The following CACNB2 variants were observed in gnomAD, a reference collection of about 807,000 sequenced individuals.
CACNB2 encodes the protein calcium voltage-gated channel auxiliary subunit beta 2.
A neutral mutation model predicts 73.3 loss-of-function variants in CACNB2; 42 were observed. That is an observed-to-expected ratio of 0.57 (90% CI 0.45 to 0.74). The LOEUF is 0.74. CACNB2 is among the 30% of genes least tolerant of loss of function. CACNB2 has a pLI of 0.00. For missense variants in CACNB2, 940 were observed against 853.0 expected (o/e 1.10, Z -1.27); for synonymous variants, 348 against 310.3 (o/e 1.12, Z -1.28).
In CACNB2 at chr10:18,150,868, T is replaced by G; in HGVS notation, c.121-15T>G. On this transcript the variant is annotated splice_polypyrimidine_tract_variant and intron_variant, in intron 1 of 13. Transcript: ENST00000324631. Reference sequence around the variant, plus strand: ...AATCTTATTTGTCTTTTTTTTTTTTTTTTTTTTTTTTTAGTCATATGGAAA... The same window carrying G: ...AATCTTATTTGTCTTTTTTTTTTTTGTTTTTTTTTTTTAGTCATATGGAAA... 3.5e-6 allele frequency: 4 copies of G among 1,127,138 alleles called. No homozygotes were observed. Among genetic ancestry groups the G allele is most frequent in the Non-Finnish European group, 4.8e-6 (4 of 825,936 alleles). The allele number at this position is 1,127,138 out of a possible 1,614,324, so 69.8% of individuals were successfully genotyped here.
At chr10:18,180,766 A>C (rs1303402374) in intron 2 of CACNB2, among the ~76,000 whole-genome samples, 1 of 152,070 alleles carries the variant, frequency 6.6e-6, no homozygotes, top group Non-Finnish European at 1.5e-5. Flanking sequence ...GGAGATCGAG[A>C]CCATCCTGGC....
chr10:18,541,332 G>C lies in CACNB2; in HGVS notation c.*1608G>C, dbSNP rs368946823. 4.6e-5 allele frequency: 7 copies of C among 152,624 alleles called. No homozygotes were observed. The highest frequency in any genetic ancestry group is 1.0e-4 in the Non-Finnish European group (7 of 68,036). The allele number at this position is 152,624 out of a possible 1,614,324, so 9.5% of individuals were successfully genotyped here. A position where few individuals can be genotyped will look rare whatever the true frequency, so the allele number is the denominator to read the frequency against. ...TTATCCTACATAAGACATGTACACAGAAGGGGAACCTTGAAGACATTATCT... is the reference window on the plus strand; with the variant it reads ...TTATCCTACATAAGACATGTACACACAAGGGGAACCTTGAAGACATTATCT... On this transcript the variant is annotated 3_prime_UTR_variant, in exon 14 of 14. Transcript: ENST00000324631.
At chr10:18,464,763 A>C (rs1373209949) in intron 3 of CACNB2, among the ~76,000 whole-genome samples, 1 of 152,236 alleles carries the variant, frequency 6.6e-6, no homozygotes, top group Non-Finnish European at 1.5e-5. Context: ...GTTAAACTGG[A>C]GAAAATTGAC....
At chr10:18,510,106 C>T (rs944051933) in intron 6 of CACNB2, among the ~76,000 whole-genome samples, 3 of 152,130 alleles carry the variant, frequency 2.0e-5, no homozygotes, top group African/African-American at 4.8e-5. Context: ...CAGAATTCTA[C>T]GTATTTCAAA....
chr10:18,517,850 T>C (rs962979335), intron 7 of CACNB2, among the ~76,000 whole-genome samples: 7 of 152,208 alleles, frequency 4.6e-5, no homozygotes, highest in Middle Eastern at 3.2e-3. Context: ...TTATAATATT[T>C]TGAAATGAGG....
intron 2 of CACNB2, chr10:18,340,869 T>G: frequency 6.2e-7 from 1 of 1,614,058 alleles, no homozygotes; most frequent in Non-Finnish European, 8.5e-7. Flanking sequence ...TCCTGAATTC[T>G]TGCTCCTGTG....
chr10:18,175,141 T>C (rs1391399152), intron 2 of CACNB2, among the ~76,000 whole-genome samples: 1 of 152,158 alleles, frequency 6.6e-6, no homozygotes, highest in African/African-American at 2.4e-5. Context: ...CTTAGGATAT[T>C]CCAGGTTTCT....
chr10:18,241,940 A>G (rs1490347041), intron 2 of CACNB2, among the ~76,000 whole-genome samples: 1 of 152,118 alleles, frequency 6.6e-6, no homozygotes, highest in Non-Finnish European at 1.5e-5. Flanking sequence ...AGTCACAATA[A>G]ACAAAATATT....
chr10:18,470,374 A>T (rs1330019860), intron 3 of CACNB2, among the ~76,000 whole-genome samples: 4 of 149,106 alleles, frequency 2.7e-5, no homozygotes, highest in Non-Finnish European at 5.9e-5. Flanking sequence ...TGCATATATT[A>T]TATATAGACT....
intron 2 of CACNB2, among the ~76,000 whole-genome samples, chr10:18,277,608 AAC>A (rs1206404129): frequency 6.6e-6 from 1 of 152,264 alleles, no homozygotes; most frequent in African/African-American, 2.4e-5. Flanking sequence ...AGGTTTCTAA[AAC>A]ACAAATGATA....
At chr10:18,488,981 C>A (rs1226264703) in intron 3 of CACNB2, among the ~76,000 whole-genome samples, 5 of 151,894 alleles carry the variant, frequency 3.3e-5, no homozygotes, top group African/African-American at 1.2e-4. Context: ...AGTTTGAGAC[C>A]AGCCTGGCTA....
chr10:18,326,143 C>T (rs1187286404), intron 2 of CACNB2, among the ~76,000 whole-genome samples: 2 of 151,776 alleles, frequency 1.3e-5, no homozygotes, highest in African/African-American at 4.8e-5. Context: ...ATATGAGCTA[C>T]TACAGTTATT....
rs1554818144 is a variant in CACNB2, at chr10:18,432,863, CAAAAA to C, written c.333+30822_333+30826del. On this transcript the variant is annotated intron_variant, in intron 3 of 13. Coordinates refer to ENST00000324631, the MANE Select transcript of CACNB2 (RefSeq NM_201596.3). ...ACAAACAAACAAACAAACAAACAAA[CAAAAA>C]ACTGTAGTAAAAAGAAATTCATTGA... is the stretch of plus-strand genomic sequence containing the variant. Among the ~76,000 whole-genome samples, 3 of 143,686 alleles carry C rather than the reference CAAAAA, an allele frequency of 2.1e-5. No individual in the cohort carries two copies. The East Asian group carries it at 6.6e-4, about 32-fold the overall frequency. The allele number at this position is 143,686 out of a possible 152,430, so 94.3% of individuals were successfully genotyped here. A position where few individuals can be genotyped will look rare whatever the true frequency, so the allele number is the denominator to read the frequency against.
In CACNB2 at chr10:18,159,258, C is replaced by T. The variant is rs1304924561; in HGVS notation, c.213+8283C>T. Reference sequence around the variant, plus strand: ...TGAGCTTTCTACTCTATGCTCCTGCCGCGTATAGCCCGGACTCGCGAACTG... The same window carrying T: ...TGAGCTTTCTACTCTATGCTCCTGCTGCGTATAGCCCGGACTCGCGAACTG... On this transcript the variant is annotated intron_variant, in intron 2 of 13. Transcript: ENST00000324631. 4.6e-5 allele frequency among the ~76,000 whole-genome samples: 7 copies of T among 152,102 alleles called. No individual in the cohort carries two copies. The South Asian group carries it at 8.3e-4, about 18-fold the overall frequency.
chr10:18,394,586 A>G (rs938863400), intron 2 of CACNB2, among the ~76,000 whole-genome samples: 2 of 152,288 alleles, frequency 1.3e-5, no homozygotes, highest in African/African-American at 2.4e-5. Context: ...GGAGTTATTT[A>G]TATGACTTGC....
rs888535239 is a variant in CACNB2, at chr10:18,415,645, T to A, written c.333+13602T>A. ...AGGCAGAGCCTACGTTAACCAGCAA[T>A]GTGATTCTCTCTAAGGTTAGCAAGA... On this transcript the variant is annotated intron_variant, in intron 3 of 13. Coordinates refer to ENST00000324631, the MANE Select transcript of CACNB2 (RefSeq NM_201596.3). Among the ~76,000 whole-genome samples, 3 of 152,146 alleles carry A rather than the reference T, an allele frequency of 2.0e-5. No individual in the cohort carries two copies. In the East Asian group the frequency reaches 5.8e-4, roughly 29 times the overall value.
intron 3 of CACNB2, among the ~76,000 whole-genome samples, chr10:18,421,690 C>T (rs1303579737): frequency 6.6e-6 from 1 of 152,084 alleles, no homozygotes; most frequent in Non-Finnish European, 1.5e-5. Flanking sequence ...TGTGAGCCTT[C>T]TCCAAAAAAT....
At chr10:18,329,283 A>G (rs765385312) in intron 2 of CACNB2, among the ~76,000 whole-genome samples, 3 of 152,170 alleles carry the variant, frequency 2.0e-5, no homozygotes, top group Non-Finnish European at 4.4e-5. Context: ...AACACTCAGG[A>G]GAAACATTCT....
intron 2 of CACNB2, among the ~76,000 whole-genome samples, chr10:18,254,641 T>C (rs2037209202): frequency 6.6e-6 from 1 of 152,196 alleles, no homozygotes; most frequent in Admixed American, 6.5e-5. Flanking sequence ...TTCAGTTCTG[T>C]AGAAGCTGGA....
Sources: gnomAD v4.1 joint callset for allele counts (sites outside exome capture counted in the v4.1 genomes callset) on GRCh38, gnomAD v4.1.1 for gene constraint, MANE v1.5 for transcripts, NCBI Gene and HGNC (gene_info 2026-07-23, HGNC 2026-07-21) for gene names.